PTPRO: variants seen among roughly 807,000 people sequenced by gnomAD.
PTPRO encodes receptor-type tyrosine-protein phosphatase O.
PTPRO carries 62 observed loss-of-function variants against 145.2 expected under a neutral mutation model. The ratio of observed to expected loss-of-function variants is 0.43; its 90% confidence interval spans 0.35 to 0.53. PTPRO has a LOEUF of 0.53. PTPRO is among the 20% of genes least tolerant of loss of function. The pLI, the probability that PTPRO is intolerant of heterozygous loss-of-function variation, is 0.01. For missense variants in PTPRO, 1,345 were observed against 1,482.7 expected, an observed-to-expected ratio of 0.91 and a Z score of 1.53; for synonymous variants, 565 against 514.7, an observed-to-expected ratio of 1.10 and a Z score of -1.32.
intron 2 of PTPRO, among the ~76,000 whole-genome samples, chr12:15,496,974 T>C (rs1942120151): frequency 6.6e-6 from 1 of 152,132 alleles, no homozygotes; most frequent in African/African-American, 2.4e-5. Context: ...ATGGAGATAT[T>C]TTATTTGCTC....
intron 7 of PTPRO, among the ~76,000 whole-genome samples, chr12:15,510,634 T>C (rs1384626311): frequency 6.6e-6 from 1 of 152,198 alleles, no homozygotes; most frequent in African/African-American, 2.4e-5. Flanking sequence ...TTCAGGATTA[T>C]AAGCAAGAAG....
intron 1 of PTPRO, among the ~76,000 whole-genome samples, chr12:15,474,459 AAGATAAGTAC>A (rs1351336849): frequency 3.3e-5 from 5 of 152,254 alleles, no homozygotes; most frequent in African/African-American, 1.2e-4. Context: ...TGGTTATGGA[AAGATAAGTAC>A]CAAGAGGCAT....
chr12:15,444,272 C>T (rs9668709), intron 1 of PTPRO, among the ~76,000 whole-genome samples: 13,059 of 151,858 alleles, frequency 0.086, 1,602 homozygotes, highest in African/African-American at 0.27. Flanking sequence ...TTATAAGTGG[C>T]AGATAAACAT....
intron 1 of PTPRO, among the ~76,000 whole-genome samples, chr12:15,423,979 T>C (rs1266343266): frequency 1.3e-5 from 2 of 152,192 alleles, no homozygotes; most frequent in Non-Finnish European, 2.9e-5. Context: ...GTCATCAAAA[T>C]AAAATTCGTT....
In PTPRO at chr12:15,322,934, C is replaced by A; in HGVS notation, c.75+133C>A. 2.4e-6 allele frequency: 2 copies of A among 820,522 alleles called. No homozygotes were observed. The highest frequency in any genetic ancestry group is 3.8e-6 in the Non-Finnish European group (2 of 528,998). 50.8% of individuals were successfully genotyped at this position (820,522 alleles called of 1,614,324 possible). On this transcript the variant is annotated intron_variant, in intron 1 of 26. Transcript: ENST00000281171. This position sits in a 1 kb window ranked among gnomAD's most constrained non-coding sequence, Gnocchi z 6.3. The stretch of plus-strand genomic sequence containing the variant: ...GCCGCGGGAAGCGCCTGCCGTGCAG[C>A]CTGGGCGCACGCTTTGTTGTCCTCG...
In PTPRO at chr12:15,503,907, G is replaced by T; in HGVS notation, c.1106-1G>T. 6.4e-7 allele frequency: 1 copy of T among 1,567,364 alleles called. No homozygotes were observed. The highest frequency in any genetic ancestry group is 1.1e-5 in the South Asian group (1 of 90,008). Reference sequence around the variant, plus strand: ...TCTTCTCTTTTTTATATATGATTTAGAGAACTTTACTGAATATTTGATGGT... The same window carrying T: ...TCTTCTCTTTTTTATATATGATTTATAGAACTTTACTGAATATTTGATGGT... On this transcript the variant is annotated splice_acceptor_variant, in intron 5 of 26. Coordinates refer to ENST00000281171, the MANE Select transcript of PTPRO (RefSeq NM_030667.3). LOFTEE classifies it high-confidence loss of function.
Position 15,594,984 on chromosome 12 carries a change from G to A in PTPRO, c.3594G>A (p.Lys1198=). The A allele has an allele frequency of 6.2e-7, 1 of 1,613,950 alleles. No individual in the cohort carries two copies. ...AGTGTGTGCAACTGATGTGGATGAAGAAGAAGCAGCAGTTCTGCATCAGTG... is the reference window on the plus strand; with the variant it reads ...AGTGTGTGCAACTGATGTGGATGAAAAAGAAGCAGCAGTTCTGCATCAGTG... The part of the protein sequence containing the change: ...IHQCVQLMWM[K]KKQQFCISDV... Residue 1198 remains lysine, a synonymous_variant, in exon 26 of 27, where the codon AAG becomes AAA. Transcript: ENST00000281171.
At chr12:15,416,016 G>A (rs1939961908) in intron 1 of PTPRO, among the ~76,000 whole-genome samples, 2 of 151,658 alleles carry the variant, frequency 1.3e-5, no homozygotes, top group African/African-American at 4.9e-5. Context: ...CTTAGAATGG[G>A]ACAAATAGCA....
chr12:15,538,776 T>C (rs1943119184), intron 12 of PTPRO, among the ~76,000 whole-genome samples: 1 of 152,138 alleles, frequency 6.6e-6, no homozygotes, highest in Non-Finnish European at 1.5e-5. Context: ...AACTCGCTGA[T>C]TGGGAGGAAA....
At chr12:15,436,773 G>A (rs190489531) in intron 1 of PTPRO, among the ~76,000 whole-genome samples, 38 of 152,328 alleles carry the variant, frequency 2.5e-4, no homozygotes, top group Non-Finnish European at 8.8e-5. Context: ...AGAGATTGAA[G>A]CATCTTATCT....
intron 1 of PTPRO, among the ~76,000 whole-genome samples, chr12:15,380,967 T>A (rs1938843604): frequency 6.6e-6 from 1 of 152,158 alleles, no homozygotes; most frequent in Non-Finnish European, 1.5e-5. Context: ...AAGAATATAA[T>A]CACTGAAAGA....
In PTPRO at chr12:15,393,646, TGA is replaced by T. The variant is rs1351400746; in HGVS notation, c.75+70849_75+70850del. On this transcript the variant is annotated intron_variant, in intron 1 of 26. Transcript: ENST00000281171. Reference sequence around the variant, plus strand: ...CACTAGGATTTTTTTTTTTTTTTTCTGAGAGTCTTCTGTTTAAGTTTGTCTTC... The same window carrying T: ...CACTAGGATTTTTTTTTTTTTTTTCTGAGTCTTCTGTTTAAGTTTGTCTTC... 3.4e-5 allele frequency among the ~76,000 whole-genome samples: 5 copies of T among 147,312 alleles called. No homozygotes were observed. The East Asian group carries it at 9.9e-4, about 29-fold the overall frequency.
intron 1 of PTPRO, among the ~76,000 whole-genome samples, chr12:15,388,350 T>C (rs917614073): frequency 6.6e-6 from 1 of 152,214 alleles, no homozygotes; most frequent in Non-Finnish European, 1.5e-5. Flanking sequence ...AGATAGCCAC[T>C]CACCCACCCT....
chr12:15,407,977 G>C (rs1939693537), intron 1 of PTPRO, among the ~76,000 whole-genome samples: 1 of 152,164 alleles, frequency 6.6e-6, no homozygotes, highest in African/African-American at 2.4e-5. Flanking sequence ...GGACTGATTT[G>C]ATCTCCTTAA....
chr12:15,398,788 T>A (rs1255425155), intron 1 of PTPRO, among the ~76,000 whole-genome samples: 1 of 152,216 alleles, frequency 6.6e-6, no homozygotes, highest in Non-Finnish European at 1.5e-5. Context: ...AGTAACTATG[T>A]ACAACTTGAT....
At chr12:15,341,938 G>C (rs1266423377) in intron 1 of PTPRO, among the ~76,000 whole-genome samples, 1 of 152,136 alleles carries the variant, frequency 6.6e-6, no homozygotes, top group Admixed American at 6.5e-5. Context: ...AGGTCTAAAT[G>C]AGCTAATCTG....
rs1463438507 is a variant in PTPRO, at chr12:15,589,447, T to G, written c.3411-8T>G. 1 of 1,613,894 alleles carries G rather than the reference T, an allele frequency of 6.2e-7. No homozygotes were observed. Among genetic ancestry groups the G allele is most frequent in the Non-Finnish European group, 8.5e-7 (1 of 1,179,952 alleles). On this transcript the variant is annotated splice_polypyrimidine_tract_variant and splice_region_variant and intron_variant, in intron 24 of 26. Transcript: ENST00000281171. Reference sequence around the variant, plus strand: ...TGAATAATATGCCATCGGAACATTCTTTTGCAGTGCTGGCGTGGGACGGAC... The same window carrying G: ...TGAATAATATGCCATCGGAACATTCGTTTGCAGTGCTGGCGTGGGACGGAC...
At chr12:15,354,955 C>T (rs1169173377) in intron 1 of PTPRO, among the ~76,000 whole-genome samples, 1 of 152,160 alleles carries the variant, frequency 6.6e-6, no homozygotes, top group Admixed American at 6.5e-5. Context: ...TAGTTACAAG[C>T]ACCATTCTGC....
chr12:15,486,519 A>G (rs182536624), intron 2 of PTPRO, among the ~76,000 whole-genome samples: 2 of 152,066 alleles, frequency 1.3e-5, no homozygotes, highest in Non-Finnish European at 2.9e-5. Flanking sequence ...TGGAGTATTT[A>G]GGACAGCACT....
Sources: allele counts gnomAD v4.1 joint callset (sites outside exome capture counted in the v4.1 genomes callset), GRCh38; gene constraint gnomAD v4.1.1; non-coding constraint Gnocchi (gnomAD v3.1); transcripts MANE v1.5; gene names NCBI Gene and HGNC (gene_info 2026-07-23, HGNC 2026-07-21).